RFX2: variants seen among roughly 807,000 people sequenced by gnomAD.
RFX2 encodes regulatory factor X2, also known as DNA-binding protein RFX2.
Under a neutral mutation model 87.8 loss-of-function variants are expected in RFX2, and 20 were observed. The ratio of observed to expected loss-of-function variants is 0.23; its 90% CI spans 0.16 to 0.33. RFX2 has a LOEUF of 0.33. Among genes scored for constraint, RFX2 ranks in the 10% least tolerant of loss-of-function variants. The pLI is 1.00. For missense variants in RFX2, 767 were observed against 1,012.3 expected (o/e 0.76, Z 3.29); for synonymous variants, 397 against 431.3 (o/e 0.92, Z 0.98).
At chr19:6,059,806 C>A (rs1234624465) in intron 1 of RFX2, among the ~76,000 whole-genome samples, 1 of 152,172 alleles carries the variant, frequency 6.6e-6, no homozygotes, top group Non-Finnish European at 1.5e-5. Context: ...CACATACATG[C>A]ACACACATAC....
rs1241636468 is a variant in RFX2, at chr19:6,040,768, AT to A, written c.261-528del. Among the ~76,000 whole-genome samples the A allele has an allele frequency of 5.3e-5, 8 of 151,966 alleles. No individual in the cohort carries two copies. Among genetic ancestry groups the A allele is most frequent in the East Asian group, 4.0e-4 (2 of 5,016 alleles). ...AGCAAGACCCTATCTCTTAAAAAAA[AT>A]AAATACAAATAAAACTTAAAATTGT... On this transcript the variant is annotated intron_variant, in intron 4 of 17. Transcript: ENST00000303657. The surrounding 1 kb of genome is among the most constrained non-coding windows in gnomAD (Gnocchi z 6.1).
At chr19:6,073,280 G>A in intron 1 of RFX2, 2 of 907,160 alleles carry the variant, frequency 2.2e-6, no homozygotes, top group Non-Finnish European at 3.5e-6. Context: ...GCGCCTGCAA[G>A]GGCCAGATCT....
intron 5 of RFX2, among the ~76,000 whole-genome samples, chr19:6,037,935 G>C (rs2087046117): frequency 6.6e-6 from 1 of 151,894 alleles, no homozygotes; most frequent in South Asian, 2.1e-4. Context: ...AATGAGGCTA[G>C]AACAACACAT....
chr19:6,062,594 T>A (rs1305301344), intron 1 of RFX2, among the ~76,000 whole-genome samples: 3 of 152,170 alleles, frequency 2.0e-5, no homozygotes, highest in Non-Finnish European at 4.4e-5. Context: ...CCCAACCCCA[T>A]GCCAAAGAGA....
rs561738562 is a variant in RFX2 at position 6,102,403 on chromosome 19, T to G, written c.-9+7990A>C. ...GAATGAAGGATGAATGAATGAAGAT[T>G]GTATGAATGAATGATGAACAAATGT... On this transcript the variant is annotated intron_variant, in intron 1 of 17. Transcript: ENST00000303657. Among the ~76,000 whole-genome samples, 10 of 152,352 alleles carry G rather than the reference T, an allele frequency of 6.6e-5. No individual in the cohort carries two copies. The South Asian group carries it at 1.9e-3, about 28-fold the overall frequency.
At chr19:6,105,841 G>A (rs1202493104) in intron 1 of RFX2, among the ~76,000 whole-genome samples, 2 of 152,202 alleles carry the variant, frequency 1.3e-5, no homozygotes, top group African/African-American at 4.8e-5. Context: ...ATGTACCAAC[G>A]AGTTTGGGGG....
At chr19:6,035,850 GGTGTGTGTGTGT>G (rs34008943) in intron 5 of RFX2, among the ~76,000 whole-genome samples, 7 of 137,164 alleles carry the variant, frequency 5.1e-5, no homozygotes, top group East Asian at 2.2e-4. Context: ...CTTGGTGGGG[GGTGTGTGTGTGT>G]GTGTGTGTGT....
intron 5 of RFX2, among the ~76,000 whole-genome samples, chr19:6,038,997 G>A (rs1026240070): frequency 6.6e-6 from 1 of 152,160 alleles, no homozygotes; most frequent in East Asian, 1.9e-4. Flanking sequence ...GAAAACATAT[G>A]TCCTTACAAA....
At chr19:6,000,104 C>T (rs887672597) in intron 15 of RFX2, among the ~76,000 whole-genome samples, 9 of 152,060 alleles carry the variant, frequency 5.9e-5, no homozygotes, top group Non-Finnish European at 1.3e-4. Context: ...CCTGCTGCAG[C>T]CTCCCAAGTA....
At position 5,993,754 on chromosome 19, in the gene RFX2, C is replaced by T. The variant is rs2086365911; in HGVS notation, c.*1081G>A. On this transcript the variant is annotated 3_prime_UTR_variant, in exon 18 of 18. Transcript: ENST00000303657. ...CAAACTTGGTGTCTCAAGTTCAGGG[C>T]TTCGAAAGTCCCGAATATTTGTTTG... is the stretch of plus-strand genomic sequence containing the variant. 1 of 151,970 alleles carries T rather than the reference C, an allele frequency of 6.6e-6. No homozygotes were observed. The highest frequency in any genetic ancestry group is 2.4e-5 in the African/African-American group (1 of 41,414). 9.4% of individuals were successfully genotyped at this position (151,970 alleles called of 1,614,324 possible). A position where few individuals can be genotyped will look rare whatever the true frequency, so the allele number is the denominator to read the frequency against.
At chr19:6,052,822 T>C (rs112661498) in intron 1 of RFX2, among the ~76,000 whole-genome samples, 3,479 of 151,706 alleles carry the variant, frequency 0.023, 135 homozygotes, top group African/African-American at 0.08. Flanking sequence ...CAAAGAAAAA[T>C]AGAAAATATT....
chr19:5,995,071 C>A, intron 17 of RFX2, 121 bp from the exon 18 acceptor site: 1 of 734,198 alleles, frequency 1.4e-6, no homozygotes, highest in Non-Finnish European at 2.3e-6. Context: ...TACATGGCAG[C>A]CTGTGGACCC....
chr19:6,031,394 C>G (rs937949622), intron 5 of RFX2, among the ~76,000 whole-genome samples: 3 of 141,440 alleles, frequency 2.1e-5, no homozygotes, highest in African/African-American at 7.8e-5. Flanking sequence ...TTAAATGAAA[C>G]TAGTATTTCC....
intron 1 of RFX2, among the ~76,000 whole-genome samples, chr19:6,069,233 G>A (rs975700615): frequency 1.1e-4 from 17 of 152,160 alleles, no homozygotes; most frequent in Non-Finnish European, 1.6e-4. Flanking sequence ...GCAGGCTGGA[G>A]CCATCAGTGT....
chr19:6,039,840 C>T lies in RFX2; in HGVS notation c.522+140G>A, dbSNP rs1300430449. On this transcript the variant is annotated intron_variant, in intron 5 of 17. Transcript: ENST00000303657. The surrounding 1 kb of genome is among the most constrained non-coding windows in gnomAD (Gnocchi z 5.2). ...CGTGGCCCGTCTGAGGCTGGCCCGA[C>T]TCCATCGTGGGGCCGCCTGGGCCCA... is the stretch of plus-strand genomic sequence containing the variant. The T allele has an allele frequency of 4.8e-6, 5 of 1,040,170 alleles. No homozygotes were observed. Among genetic ancestry groups the T allele is most frequent in the Non-Finnish European group, 6.7e-6 (5 of 745,916 alleles). 64.4% of individuals were successfully genotyped at this position (1,040,170 alleles called of 1,614,324 possible).
rs2144816993 is a variant in RFX2 at position 6,064,759 on chromosome 19, T to C, written c.-8-17255A>G. 6.6e-6 allele frequency among the ~76,000 whole-genome samples: 1 copy of C among 152,354 alleles called. No individual in the cohort carries two copies. The highest frequency in any genetic ancestry group is 2.1e-4 in the South Asian group (1 of 4,830). ...TGACTGATTCTGGCCAGGAGGAGGC[T>C]GGCTTTCTGGATCCCACCAACATCA... On this transcript the variant is annotated intron_variant, in intron 1 of 17. Transcript: ENST00000303657. The surrounding 1 kb of genome is among the most constrained non-coding windows in gnomAD (Gnocchi z 4.8).
In RFX2 at chr19:6,004,238, G is replaced by A; in HGVS notation, c.1463C>T (p.Ala488Val). 1 of 1,614,092 alleles carries A rather than the reference G, an allele frequency of 6.2e-7. No individual in the cohort carries two copies. The highest frequency in any genetic ancestry group is 8.5e-7 in the Non-Finnish European group (1 of 1,179,980). Reference sequence around the variant, plus strand: ...GACCTGTTGTGGGAAGTCACTCATGGCATTTGTCAACCAGCCTTCCAAGCT... The same window carrying A: ...GACCTGTTGTGGGAAGTCACTCATGACATTTGTCAACCAGCCTTCCAAGCT... The part of the protein sequence containing the change: ...AKSLEGWLTN[A>V]MSDFPQQVIQ... The change falls in exon 13 of 18, where the codon GCC (alanine) becomes GTC (valine). Residue 488 changes from alanine (A) to valine (V), a missense_variant. Ala to Val is a moderately conservative substitution (Grantham distance 64). This residue lies in a region of RFX2 where 621 missense variants were observed against 873.0 expected (regional missense o/e 0.71). Coordinates refer to ENST00000303657, the MANE Select transcript of RFX2 (RefSeq NM_000635.4). This position sits in a 1 kb window ranked among gnomAD's most constrained non-coding sequence, Gnocchi z 4.8.
intron 1 of RFX2, among the ~76,000 whole-genome samples, chr19:6,062,059 G>A (rs2087441616): frequency 6.6e-6 from 1 of 152,126 alleles, no homozygotes; most frequent in African/African-American, 2.4e-5. Context: ...CACTTTGGGA[G>A]GTTGAGGCCA....
At chr19:6,057,037 T>C (rs1035215948) in intron 1 of RFX2, 1 of 152,114 alleles carries the variant, frequency 6.6e-6, no homozygotes, top group African/African-American at 2.4e-5. Context: ...AGGGCGGGCA[T>C]GAAATAAAGG....
Sources: gnomAD v4.1 joint callset for allele counts (sites outside exome capture counted in the v4.1 genomes callset) on GRCh38, gnomAD v4.1.1 for gene constraint, gnomAD v4.1.1 regional missense constraint, Gnocchi (gnomAD v3.1) non-coding constraint, MANE v1.5 for transcripts, NCBI Gene and HGNC (gene_info 2026-07-23, HGNC 2026-07-21) for gene names.